UGT1A3: variants seen among roughly 807,000 people sequenced by gnomAD.
UGT1A3 encodes the protein UDP-glucuronosyltransferase 1A3.
Under a neutral mutation model 41.0 loss-of-function variants are expected in UGT1A3, and 31 were observed. The observed-to-expected ratio is 0.76, with a 90% confidence interval of 0.57 to 1.02. The LOEUF is 1.02. Ranked by LOEUF, UGT1A3 falls within the 50% of genes least tolerant of loss-of-function variation. The pLI is 0.00. For missense variants in UGT1A3, 737 were observed against 671.0 expected, an observed-to-expected ratio of 1.10 and a Z score of -1.09; for synonymous variants, 262 against 257.6, an observed-to-expected ratio of 1.02 and a Z score of -0.17.
intron 1 of UGT1A3, chr2:233,743,295 G>A (rs1319359883): frequency 1.8e-6 from 1 of 548,688 alleles, no homozygotes; most frequent in African/African-American, 2.0e-5. Flanking sequence ...CATTCTCAAT[G>A]ATTCTCTTGG....
At chr2:233,771,579 A>G (rs974224388) in intron 4 of UGT1A3, 2 of 152,312 alleles carry the variant, frequency 1.3e-5, no homozygotes, top group Non-Finnish European at 2.9e-5. Flanking sequence ...GGTTGTTTAC[A>G]ACTTCAAATA....
At chr2:233,771,979 G>A (rs35456228) in intron 4 of UGT1A3, among the ~76,000 whole-genome samples, 135 of 152,326 alleles carry the variant, frequency 8.9e-4, no homozygotes, top group African/African-American at 3.2e-3. Context: ...GCCAGACATA[G>A]TGGTGCATGA....
Position 233,747,455 on chromosome 2 carries a change from C to T in UGT1A3, c.867+17462C>T, listed in dbSNP as rs545965821. Reference sequence around the variant, plus strand: ...AATTTTTCACCCTGACAACCTATGCCATTTCATGGACCCAGGATGAATTTG... The same window carrying T: ...AATTTTTCACCCTGACAACCTATGCTATTTCATGGACCCAGGATGAATTTG... On this transcript the variant is annotated intron_variant, in intron 1 of 4. Coordinates refer to ENST00000482026, the MANE Select transcript of UGT1A3 (RefSeq NM_019093.4). 52 of 1,608,866 alleles carry T rather than the reference C, an allele frequency of 3.2e-5. 1 individual carries two copies. Among genetic ancestry groups the T allele is most frequent in the Admixed American group, 5.0e-5 (3 of 60,014 alleles).
chr2:233,768,515 C>T (rs548796271), intron 4 of UGT1A3, 76 bp downstream of exon 4: 42 of 1,546,024 alleles, frequency 2.7e-5, no homozygotes, highest in African/African-American at 1.8e-4. Context: ...AAAACATTTA[C>T]GTAGCATTTA....
intron 1 of UGT1A3, chr2:233,741,470 G>C (rs1212824071): frequency 1.3e-5 from 2 of 150,616 alleles, no homozygotes; most frequent in East Asian, 3.8e-4. Context: ...ACACATGTAA[G>C]TTCCCTCGTC....
intron 1 of UGT1A3, among the ~76,000 whole-genome samples, chr2:233,738,198 C>T (rs981830187): frequency 3.3e-5 from 5 of 152,188 alleles, no homozygotes; most frequent in Admixed American, 3.3e-4. Context: ...GCCTCTCTCT[C>T]ACTTTCTGCC....
At chr2:233,746,132 G>A (rs998349575) in intron 1 of UGT1A3, among the ~76,000 whole-genome samples, 1 of 151,792 alleles carries the variant, frequency 6.6e-6, no homozygotes, top group African/African-American at 2.4e-5. Flanking sequence ...CTGTGGACTG[G>A]CACCTGAGTG....
intron 1 of UGT1A3, chr2:233,760,221 A>G (rs920580015): frequency 2.5e-5 from 40 of 1,592,616 alleles, no homozygotes; most frequent in Non-Finnish European, 3.3e-5. Context: ...TGGTGTATCG[A>G]TTGGTTTTTG....
intron 1 of UGT1A3, among the ~76,000 whole-genome samples, chr2:233,734,160 T>C (rs535251850): frequency 1.3e-5 from 2 of 152,268 alleles, no homozygotes; most frequent in Non-Finnish European, 2.9e-5. Context: ...GTCCTGGACT[T>C]TTTTTGGTTG....
chr2:233,735,402 G>GTC (rs746595831), intron 1 of UGT1A3, among the ~76,000 whole-genome samples: 10 of 152,138 alleles, frequency 6.6e-5, no homozygotes, highest in East Asian at 5.8e-4. Context: ...GCCTATGTGT[G>GTC]TCTCTGCATG....
At position 233,760,483 on chromosome 2, in the gene UGT1A3, T is replaced by C. The variant is rs750890851; in HGVS notation, c.868-6551T>C. On this transcript the variant is annotated intron_variant, in intron 1 of 4. Transcript: ENST00000482026. ...AGTTGTCCTAGCACCTGACGCCTCG[T>C]TGTACATCAGAGACGGAGCATTTTA... is the stretch of plus-strand genomic sequence containing the variant. The C allele has an allele frequency of 6.2e-6, 10 of 1,614,116 alleles. No individual in the cohort carries two copies. In the South Asian group the frequency reaches 8.8e-5, roughly 14 times the overall value.
intron 1 of UGT1A3, among the ~76,000 whole-genome samples, chr2:233,766,257 AGTGGCCCGGGCTCG>A (rs36213637): frequency 0.33 from 50,708 of 151,412 alleles, 8,925 homozygotes; most frequent in African/African-American, 0.42. Context: ...CAGACCGCTC[AGTGGCCCGGGCTCG>A]GTGGCCCGGG....
chr2:233,761,438 A>G (rs1335864417), intron 1 of UGT1A3, among the ~76,000 whole-genome samples: 1 of 152,232 alleles, frequency 6.6e-6, no homozygotes, highest in East Asian at 1.9e-4. Flanking sequence ...CCATAGGCAC[A>G]GAATGCTGGG....
chr2:233,746,054 T>C (rs1380596465), intron 1 of UGT1A3, among the ~76,000 whole-genome samples: 1 of 151,656 alleles, frequency 6.6e-6, no homozygotes, highest in Non-Finnish European at 1.5e-5. Flanking sequence ...ATGCAGGGTC[T>C]AGAACGAAAA....
chr2:233,750,190 A>G (rs1694385448), intron 1 of UGT1A3, among the ~76,000 whole-genome samples: 1 of 151,894 alleles, frequency 6.6e-6, no homozygotes, highest in African/African-American at 2.4e-5. Context: ...TGTTGTGGAC[A>G]ATGAAGTCCA....
chr2:233,731,857 C>T lies in UGT1A3; in HGVS notation c.867+1864C>T, dbSNP rs191763365. On this transcript the variant is annotated intron_variant, in intron 1 of 4. Transcript: ENST00000482026. ...TAGTTCTAGGTCCTTGAGGAATCGC[C>T]ACACTGTCTTCCACAATGGTTGAAC... Among the ~76,000 whole-genome samples, 286 of 152,314 alleles carry T rather than the reference C, an allele frequency of 1.9e-3. 1 individual carries two copies. In the South Asian group the frequency reaches 0.02, roughly 10 times the overall value.
At chr2:233,760,991 C>G in intron 1 of UGT1A3, 1 of 1,614,190 alleles carries the variant, frequency 6.2e-7, no homozygotes. Context: ...ACCCTTGCCT[C>G]AGAATTCCTT....
intron 1 of UGT1A3, chr2:233,740,955 A>G (rs1274225683): frequency 1.3e-5 from 2 of 151,640 alleles, no homozygotes; most frequent in Non-Finnish European, 2.9e-5. Flanking sequence ...TAGGTGTGGT[A>G]GCATTTCTGT....
intron 1 of UGT1A3, among the ~76,000 whole-genome samples, chr2:233,738,477 G>C (rs971989724): frequency 6.6e-6 from 1 of 152,224 alleles, no homozygotes; most frequent in African/African-American, 2.4e-5. Context: ...GAACTTCCTG[G>C]AGACTTGTTG....
Sources: gnomAD v4.1 joint callset for allele counts (sites outside exome capture counted in the v4.1 genomes callset) on GRCh38, gnomAD v4.1.1 for gene constraint, MANE v1.5 for transcripts, NCBI Gene and HGNC (gene_info 2026-07-23, HGNC 2026-07-21) for gene names.